SBF2: variants seen among roughly 807,000 people sequenced by gnomAD.
The protein encoded by SBF2 is myotubularin-related protein 13.
SBF2 carries 112 observed loss-of-function variants against 225.2 expected under a neutral mutation model. The ratio of observed to expected loss-of-function variants is 0.50; its 90% CI spans 0.43 to 0.58. The LOEUF is 0.58. Ranked by LOEUF, SBF2 falls within the 20% of genes least tolerant of loss-of-function variation. The pLI, the probability that SBF2 is intolerant of heterozygous loss-of-function variation, is 0.00. For synonymous variants in SBF2, 763 were observed against 773.3 expected (o/e 0.99, Z 0.22); for missense variants, 1,996 against 2,206.2 (o/e 0.90, Z 1.91).
chr11:10,081,743 G>T lies in SBF2; in HGVS notation c.142-38762C>A, dbSNP rs1334586368. Among the ~76,000 whole-genome samples, 3 of 138,372 alleles carry T rather than the reference G, an allele frequency of 2.2e-5. No homozygotes were observed. The Admixed American group carries it at 2.4e-4, about 11-fold the overall frequency. The allele number at this position is 138,372 out of a possible 152,430, so 90.8% of individuals were successfully genotyped here. A position where few individuals can be genotyped will look rare whatever the true frequency, so the allele number is the denominator to read the frequency against. ...CCACTGCACTCCAGCCTGACCCACA[G>T]AGCAAGACTCCACCTCAAAAAAAAA... On this transcript the variant is annotated intron_variant, in intron 2 of 39. Coordinates refer to ENST00000256190, the MANE Select transcript of SBF2 (RefSeq NM_030962.4).
At chr11:10,196,836 A>AT in intron 1 of SBF2, among the ~76,000 whole-genome samples, 10 of 63,734 alleles carry the variant, frequency 1.6e-4, no homozygotes, top group Non-Finnish European at 2.1e-4. Context: ...TTTCTTGCAT[A>AT]AATATATATA....
intron 29 of SBF2, among the ~76,000 whole-genome samples, chr11:9,813,929 G>A (rs1035822542): frequency 6.6e-6 from 1 of 151,938 alleles, no homozygotes; most frequent in Admixed American, 6.6e-5. Context: ...GCAGCAGAGT[G>A]AGACTCCACC....
chr11:10,268,382 TAGAG>T (rs1395221081), intron 1 of SBF2, among the ~76,000 whole-genome samples: 5 of 152,086 alleles, frequency 3.3e-5, no homozygotes, highest in Admixed American at 3.3e-4. Flanking sequence ...AGAAAAAAAA[TAGAG>T]AGATGTCAAG....
chr11:9,818,846 C>T (rs557892316), intron 28 of SBF2, among the ~76,000 whole-genome samples: 21 of 152,206 alleles, frequency 1.4e-4, no homozygotes, highest in Non-Finnish European at 2.4e-4. Context: ...CTTAGCCTCC[C>T]GAGTAGCTGG....
intron 13 of SBF2, among the ~76,000 whole-genome samples, chr11:9,971,507 C>T (rs1165832428): frequency 1.3e-5 from 2 of 151,890 alleles, no homozygotes; most frequent in Non-Finnish European, 2.9e-5. Flanking sequence ...AGTGAGACCC[C>T]ATTTCTACAA....
chr11:10,046,191 C>T (rs566093621), intron 2 of SBF2, among the ~76,000 whole-genome samples: 1 of 152,178 alleles, frequency 6.6e-6, no homozygotes, highest in East Asian at 1.9e-4. Context: ...TGGAACCAAT[C>T]CCCTGCAGAT....
intron 2 of SBF2, among the ~76,000 whole-genome samples, chr11:10,060,719 G>A (rs894317448): frequency 5.3e-5 from 8 of 152,064 alleles, no homozygotes; most frequent in African/African-American, 1.9e-4. Flanking sequence ...ATGCAAAGTT[G>A]GTTCAACATA....
At chr11:9,882,627 T>C (rs1036559164) in intron 17 of SBF2, among the ~76,000 whole-genome samples, 1 of 151,894 alleles carries the variant, frequency 6.6e-6, no homozygotes, top group Middle Eastern at 3.4e-3. Context: ...GCTAACACGG[T>C]GAAACCCCGT....
Position 9,876,570 on chromosome 11 carries a change from G to A in SBF2, c.1930-18174C>T, listed in dbSNP as rs980402669. On this transcript the variant is annotated intron_variant, in intron 17 of 39. Transcript: ENST00000256190. ...GCCCCACGTTCTGAAGAAAGGCCAC[G>A]TGACATAGTGATAAGGCAGCCATCT... Among the ~76,000 whole-genome samples the A allele has an allele frequency of 1.3e-4, 20 of 152,132 alleles. 1 individual carries two copies. The highest frequency in any genetic ancestry group is 5.2e-4 in the Admixed American group (8 of 15,274).
chr11:9,819,732 T>C (rs1342163490), intron 28 of SBF2, among the ~76,000 whole-genome samples: 1 of 152,236 alleles, frequency 6.6e-6, no homozygotes, highest in African/African-American at 2.4e-5. Flanking sequence ...TGCTGCATGT[T>C]GTACAACACG....
chr11:9,917,114 C>T lies in SBF2; in HGVS notation c.1861-21103G>A, dbSNP rs1353472923. 3.3e-5 allele frequency among the ~76,000 whole-genome samples: 5 copies of T among 151,550 alleles called. No individual in the cohort carries two copies. The East Asian group carries it at 9.6e-4, about 29-fold the overall frequency. On this transcript the variant is annotated intron_variant, in intron 16 of 39. Coordinates refer to ENST00000256190, the MANE Select transcript of SBF2 (RefSeq NM_030962.4). ...TTCAATATGAAAGATCTAGGAAATA[C>T]ATGTAAGTGAAAAGAAAGCAAAATA... is the stretch of plus-strand genomic sequence containing the variant.
chr11:9,970,282 C>T (rs907819454), intron 13 of SBF2, among the ~76,000 whole-genome samples: 1 of 151,820 alleles, frequency 6.6e-6, no homozygotes, highest in African/African-American at 2.4e-5. Flanking sequence ...TCTCGGCTCA[C>T]TGCAAGCTCC....
At chr11:9,781,394 G>A in intron 39 of SBF2, 113 bp downstream of exon 39, 1 of 1,372,000 alleles carries the variant, frequency 7.3e-7, no homozygotes. Flanking sequence ...AGCCAAGGGG[G>A]TCTGTCATCC....
In SBF2 at chr11:9,945,067, T is replaced by C. The variant is rs368334024; in HGVS notation, c.1860+16890A>G. Among the ~76,000 whole-genome samples, 21 of 152,232 alleles carry C rather than the reference T, an allele frequency of 1.4e-4. No individual in the cohort carries two copies. In the South Asian group the frequency reaches 4.1e-3, roughly 30 times the overall value. On this transcript the variant is annotated intron_variant, in intron 16 of 39. Coordinates refer to ENST00000256190, the MANE Select transcript of SBF2 (RefSeq NM_030962.4). Reference sequence around the variant, plus strand: ...ATGCAGTGGGCCATGATTGCACCACTGCACTCCAGCCTGAGTGACAGAGCC... The same window carrying C: ...ATGCAGTGGGCCATGATTGCACCACCGCACTCCAGCCTGAGTGACAGAGCC...
In SBF2 at chr11:9,967,947, GTCTC is replaced by G. The variant is rs1214352340; in HGVS notation, c.1600+390_1600+393del. Among the ~76,000 whole-genome samples, 455 of 100,226 alleles carry G rather than the reference GTCTC, an allele frequency of 4.5e-3. 4 individuals carry two copies. The highest frequency in any genetic ancestry group is 0.017 in the South Asian group (49 of 2,904). 65.8% of individuals were successfully genotyped at this position (100,226 alleles called of 152,430 possible). A position where few individuals can be genotyped will look rare whatever the true frequency, so the allele number is the denominator to read the frequency against. The stretch of plus-strand genomic sequence containing the variant: ...TGTCTGTCTGTCTGTCTGTCTGTCT[GTCTC>G]TCTCTCTCTCTCTCTCTCTCTATAT... On this transcript the variant is annotated intron_variant, in intron 14 of 39. Coordinates refer to ENST00000256190, the MANE Select transcript of SBF2 (RefSeq NM_030962.4).
chr11:10,061,591 T>C (rs1444965753), intron 2 of SBF2, among the ~76,000 whole-genome samples: 1 of 151,652 alleles, frequency 6.6e-6, no homozygotes, highest in Non-Finnish European at 1.5e-5. Flanking sequence ...CATTCACAAT[T>C]CCCACACATA....
At chr11:9,898,154 G>A (rs1317407410) in intron 16 of SBF2, among the ~76,000 whole-genome samples, 2 of 151,782 alleles carry the variant, frequency 1.3e-5, no homozygotes, top group African/African-American at 4.8e-5. Context: ...CTACTGCTGC[G>A]GATGGGGAGG....
At chr11:10,255,497 A>G (rs549068929) in intron 1 of SBF2, among the ~76,000 whole-genome samples, 3 of 152,352 alleles carry the variant, frequency 2.0e-5, no homozygotes, top group African/African-American at 7.2e-5. Flanking sequence ...GCAAAAGTAA[A>G]TAAGTTACTG....
At chr11:10,242,303 A>G (rs562459881) in intron 1 of SBF2, among the ~76,000 whole-genome samples, 2 of 152,230 alleles carry the variant, frequency 1.3e-5, no homozygotes, top group South Asian at 2.1e-4. Flanking sequence ...ACAGACTGTC[A>G]TAACTATTAA....
Sources: allele counts gnomAD v4.1 joint callset (sites outside exome capture counted in the v4.1 genomes callset), GRCh38; gene constraint gnomAD v4.1.1; transcripts MANE v1.5; gene names NCBI Gene and HGNC (gene_info 2026-07-23, HGNC 2026-07-21).